The following CNTN5 variants were observed in gnomAD, a reference collection of about 807,000 sequenced individuals.
The protein encoded by CNTN5 is contactin 5.
In CNTN5, 77 loss-of-function variants were observed where a neutral mutation model predicts 129.1. The ratio of observed to expected loss-of-function variants is 0.60; its 90% CI spans 0.50 to 0.72. CNTN5 has a LOEUF of 0.72. Ranked by LOEUF, CNTN5 falls within the 30% of genes least tolerant of loss-of-function variation. The pLI is 0.00. For missense variants in CNTN5, 1,478 were observed against 1,328.8 expected (o/e 1.11, Z -1.75); for synonymous variants, 509 against 465.6 (o/e 1.09, Z -1.20).
chr11:99,661,762 T>A (rs1428092892), intron 3 of CNTN5, among the ~76,000 whole-genome samples: 1 of 152,090 alleles, frequency 6.6e-6, no homozygotes, highest in Non-Finnish European at 1.5e-5. Flanking sequence ...ATAACCCCAG[T>A]TATTAAGTGA....
At chr11:99,518,846 A>T (rs141497696) in intron 2 of CNTN5, among the ~76,000 whole-genome samples, 12 of 152,150 alleles carry the variant, frequency 7.9e-5, no homozygotes, top group African/African-American at 2.9e-4. Context: ...GCAACACTTT[A>T]CTTCAAATTA....
intron 8 of CNTN5, among the ~76,000 whole-genome samples, chr11:99,988,824 T>C (rs1025713076): frequency 8.2e-5 from 12 of 146,898 alleles, no homozygotes; most frequent in African/African-American, 3.0e-4. Flanking sequence ...ATATTCTCCC[T>C]ACCTTCCAGA....
At chr11:99,891,901 A>G (rs918742393) in intron 6 of CNTN5, among the ~76,000 whole-genome samples, 9 of 152,134 alleles carry the variant, frequency 5.9e-5, no homozygotes, top group Admixed American at 3.9e-4. Context: ...TTGAGGAATC[A>G]CCACACTGTC....
chr11:99,449,525 G>T (rs1944212292), intron 2 of CNTN5, among the ~76,000 whole-genome samples: 1 of 152,170 alleles, frequency 6.6e-6, no homozygotes, highest in African/African-American at 2.4e-5. Flanking sequence ...ACTCATTTCA[G>T]TTAGCCTTTC....
intron 3 of CNTN5, among the ~76,000 whole-genome samples, chr11:99,734,921 T>G (rs541600729): frequency 2.2e-4 from 34 of 152,302 alleles, no homozygotes; most frequent in African/African-American, 7.7e-4. Context: ...GGCAAGAGAA[T>G]GGCGTGAAGC....
At chr11:99,852,381 T>A (rs1167049672) in intron 6 of CNTN5, among the ~76,000 whole-genome samples, 1 of 152,222 alleles carries the variant, frequency 6.6e-6, no homozygotes, top group Non-Finnish European at 1.5e-5. Context: ...TCTAGCTATT[T>A]GCCCAGGCTG....
At chr11:100,299,444 A>G in intron 20 of CNTN5, 48 bp downstream of exon 20, 1 of 1,236,784 alleles carries the variant, frequency 8.1e-7, no homozygotes, top group Non-Finnish European at 1.1e-6. Flanking sequence ...TTACTTTGTT[A>G]TACAAATAAT....
At chr11:99,580,233 A>T (rs1757588322) in intron 3 of CNTN5, among the ~76,000 whole-genome samples, 1 of 152,164 alleles carries the variant, frequency 6.6e-6, no homozygotes, top group African/African-American at 2.4e-5. Context: ...TCAGTTTGCC[A>T]GTATTTTAGT....
Position 99,918,393 on chromosome 11 carries a change from A to G in CNTN5, c.673+2244A>G, listed in dbSNP as rs1949849102. Among the ~76,000 whole-genome samples, 4 of 152,204 alleles carry G rather than the reference A, an allele frequency of 2.6e-5. No homozygotes were observed. The South Asian group carries it at 8.3e-4, about 32-fold the overall frequency. The stretch of plus-strand genomic sequence containing the variant: ...AAAACCAGTTATACAGACTGCTGTC[A>G]ATTTAAAATAAAAATGATGAACTTT... On this transcript the variant is annotated intron_variant, in intron 7 of 24. Transcript: ENST00000524871.
chr11:100,000,338 C>A (rs12274303), intron 8 of CNTN5, among the ~76,000 whole-genome samples: 10,553 of 152,124 alleles, frequency 0.069, 674 homozygotes, highest in African/African-American at 0.16. Context: ...AACAAAGAGG[C>A]CACAGGCCAC....
intron 1 of CNTN5, among the ~76,000 whole-genome samples, chr11:99,230,358 T>A (rs960853237): frequency 6.6e-6 from 1 of 152,124 alleles, no homozygotes; most frequent in Non-Finnish European, 1.5e-5. Flanking sequence ...TCTGACCTTT[T>A]GATTTTTGAG....
chr11:99,386,197 T>G (rs962687980), intron 2 of CNTN5, among the ~76,000 whole-genome samples: 1 of 152,164 alleles, frequency 6.6e-6, no homozygotes, highest in Non-Finnish European at 1.5e-5. Flanking sequence ...CTGAAGCACA[T>G]CTGTTACAGG....
rs1954108247 is a variant in CNTN5 at position 99,693,089 on chromosome 11, A to G, written c.56-126455A>G. On this transcript the variant is annotated intron_variant, in intron 3 of 24. Coordinates refer to ENST00000524871, the MANE Select transcript of CNTN5 (RefSeq NM_014361.4). ...TCAAGCTGTAAAAATTACATAAGCA[A>G]GCAGTTGAAACATTTCTGCAATAAG... is the stretch of plus-strand genomic sequence containing the variant. Among the ~76,000 whole-genome samples the G allele has an allele frequency of 3.9e-5, 6 of 152,248 alleles. No individual in the cohort carries two copies. The South Asian group carries it at 1.2e-3, about 32-fold the overall frequency.
chr11:100,147,604 C>A lies in CNTN5; in HGVS notation c.1581-43522C>A, dbSNP rs1018587994. ...CTCCAATTCAACTCTGCTAGGGGAG[C>A]CTTATATTTTTTTGTCAAAAAAAAT... On this transcript the variant is annotated intron_variant, in intron 13 of 24. Transcript: ENST00000524871. Among the ~76,000 whole-genome samples, 4 of 151,900 alleles carry A rather than the reference C, an allele frequency of 2.6e-5. No homozygotes were observed. In the South Asian group the frequency reaches 6.2e-4, roughly 24 times the overall value.
chr11:99,322,913 G>A (rs1331442970), intron 1 of CNTN5, among the ~76,000 whole-genome samples: 1 of 152,114 alleles, frequency 6.6e-6, no homozygotes, highest in East Asian at 1.9e-4. Context: ...AACTATACAA[G>A]ATAAATGTAT....
At chr11:99,751,638 T>A (rs1048990215) in intron 3 of CNTN5, among the ~76,000 whole-genome samples, 1 of 152,232 alleles carries the variant, frequency 6.6e-6, no homozygotes, top group Non-Finnish European at 1.5e-5. Flanking sequence ...CAGATTATTA[T>A]CATCTGGACA....
chr11:99,299,940 G>A (rs1489099351), intron 1 of CNTN5, among the ~76,000 whole-genome samples: 2 of 152,030 alleles, frequency 1.3e-5, no homozygotes, highest in African/African-American at 2.4e-5. Context: ...TCTAGTGATA[G>A]TTCTATTTTT....
chr11:99,617,183 GAGA>G (rs1229525527), intron 3 of CNTN5, among the ~76,000 whole-genome samples: 1 of 152,178 alleles, frequency 6.6e-6, no homozygotes, highest in Non-Finnish European at 1.5e-5. Flanking sequence ...AAGATTGAGA[GAGA>G]AGGACCTTTT....
At chr11:100,294,709 G>A (rs1309476649) in intron 18 of CNTN5, among the ~76,000 whole-genome samples, 1 of 151,514 alleles carries the variant, frequency 6.6e-6, no homozygotes, top group East Asian at 1.9e-4. Context: ...GCATTTATTA[G>A]ATATTTGATT....
Sources: gnomAD v4.1 joint callset for allele counts (sites outside exome capture counted in the v4.1 genomes callset) on GRCh38, gnomAD v4.1.1 for gene constraint, MANE v1.5 for transcripts, NCBI Gene and HGNC (gene_info 2026-07-23, HGNC 2026-07-21) for gene names.